MAGI3: variants seen among roughly 807,000 people sequenced by gnomAD.
MAGI3 encodes membrane-associated guanylate kinase, WW and PDZ domain-containing protein 3.
A neutral mutation model predicts 121.8 loss-of-function variants in MAGI3; 43 were observed. The observed-to-expected ratio is 0.35, with a 90% CI of 0.28 to 0.46. MAGI3 has a LOEUF of 0.46. Among genes scored for constraint, MAGI3 ranks in the 20% least tolerant of loss-of-function variants. MAGI3 has a pLI of 1.00. For synonymous variants in MAGI3, 553 were observed against 639.3 expected (o/e 0.86, Z 2.04); for missense variants, 1,547 against 1,797.3 (o/e 0.86, Z 2.52).
Position 113,672,635 on chromosome 1 carries a change from T to C in MAGI3, c.2939T>C (p.Ile980Thr). Residue 980 changes from isoleucine (I) to threonine (T), a missense_variant, in exon 18 of 21, where the codon ATT (isoleucine) becomes ACT (threonine). Coordinates refer to ENST00000307546, the MANE Select transcript of MAGI3 (RefSeq NM_001142782.2). Reference protein sequence around the residue: ...PGDRSALEGEIGKDVSTSYRH... With the variant: ...PGDRSALEGETGKDVSTSYRH... ...TGTAGAAGTGCCCTAGAAGGTGAAA[T>C]TGGAAAAGATGTCTCCACTTCTTAC... 10 of 1,613,634 alleles carry C rather than the reference T, an allele frequency of 6.2e-6. No individual in the cohort carries two copies. The highest frequency in any genetic ancestry group is 7.6e-6 in the Non-Finnish European group (9 of 1,179,818).
intron 1 of MAGI3, among the ~76,000 whole-genome samples, chr1:113,416,394 A>G (rs1371093262): frequency 2.0e-5 from 2 of 99,642 alleles, no homozygotes; most frequent in African/African-American, 3.6e-5. Flanking sequence ...ATATATATTA[A>G]TTATTAATTA....
At chr1:113,515,925 T>C (rs1242990158) in intron 1 of MAGI3, among the ~76,000 whole-genome samples, 1 of 152,072 alleles carries the variant, frequency 6.6e-6, no homozygotes, top group Non-Finnish European at 1.5e-5. Flanking sequence ...CCTGGCACTG[T>C]TAACATTTTG....
In MAGI3 at chr1:113,683,580, A is replaced by G. The variant is rs780618427; in HGVS notation, c.4012A>G (p.Arg1338Gly). The change falls in exon 21 of 21, where the codon AGG (arginine) becomes GGG (glycine). Residue 1338 changes from arginine to glycine, a missense_variant. By Grantham distance (125) the Arg-to-Gly change is moderately radical. Transcript: ENST00000307546. ...PDGKEKSDVI[R>G]KDAKQNQLEK... ...TGGGAAGGAAAAATCAGACGTCATCAGGAAAGATGCAAAGCAGAATCAGTT... is the reference window on the plus strand; with the variant it reads ...TGGGAAGGAAAAATCAGACGTCATCGGGAAAGATGCAAAGCAGAATCAGTT... 1 of 1,613,992 alleles carries G rather than the reference A, an allele frequency of 6.2e-7. No homozygotes were observed. Among genetic ancestry groups the G allele is most frequent in the Non-Finnish European group, 8.5e-7 (1 of 1,179,896 alleles).
chr1:113,454,261 G>A (rs1364603506), intron 1 of MAGI3, among the ~76,000 whole-genome samples: 2 of 152,054 alleles, frequency 1.3e-5, no homozygotes, highest in African/African-American at 4.8e-5. Context: ...TTCCTTTAGG[G>A]GTAGCTTAGC....
At chr1:113,624,908 A>T (rs1651123478) in intron 9 of MAGI3, among the ~76,000 whole-genome samples, 1 of 152,160 alleles carries the variant, frequency 6.6e-6, no homozygotes. Context: ...GATAGAAGTC[A>T]AGTTTCATTC....
At chr1:113,627,528 T>C (rs532293983) in intron 9 of MAGI3, among the ~76,000 whole-genome samples, 1 of 150,496 alleles carries the variant, frequency 6.6e-6, no homozygotes, top group South Asian at 2.1e-4. Context: ...TGTTGAAGTC[T>C]CCTGCTATTA....
chr1:113,525,868 G>C (rs987170316), intron 1 of MAGI3, among the ~76,000 whole-genome samples: 2 of 152,030 alleles, frequency 1.3e-5, no homozygotes, highest in Non-Finnish European at 2.9e-5. Context: ...TGGATGTGGT[G>C]GCGCATGCCT....
At chr1:113,619,985 T>A (rs978005015) in intron 8 of MAGI3, among the ~76,000 whole-genome samples, 155 bp downstream of exon 8, 2 of 152,158 alleles carry the variant, frequency 1.3e-5, no homozygotes, top group Non-Finnish European at 2.9e-5. Context: ...TAATAAAACA[T>A]CTGAACATTA....
chr1:113,655,130 A>T (rs932162156), intron 15 of MAGI3, among the ~76,000 whole-genome samples: 6 of 152,202 alleles, frequency 3.9e-5, no homozygotes, highest in Non-Finnish European at 8.8e-5. Context: ...TGTGAGGATG[A>T]TAATATGGCG....
rs1441314024 is a variant in MAGI3 at position 113,658,437 on chromosome 1, T to C, written c.2630-643T>C. ...GTCAAGTAGTCTTAACAGTTAACAT[T>C]TAATGTTCCAATTCCACTCAGCTTT... is the stretch of plus-strand genomic sequence containing the variant. On this transcript the variant is annotated intron_variant, in intron 15 of 20. Coordinates refer to ENST00000307546, the MANE Select transcript of MAGI3 (RefSeq NM_001142782.2). The surrounding 1 kb of genome is among the most constrained non-coding windows in gnomAD (Gnocchi z 4.0). Among the ~76,000 whole-genome samples the C allele has an allele frequency of 6.6e-6, 1 of 152,238 alleles. No individual in the cohort carries two copies. Among genetic ancestry groups the C allele is most frequent in the African/African-American group, 2.4e-5 (1 of 41,462 alleles).
chr1:113,630,642 G>A (rs954147275), intron 9 of MAGI3, among the ~76,000 whole-genome samples: 5 of 152,174 alleles, frequency 3.3e-5, no homozygotes, highest in African/African-American at 1.2e-4. Context: ...TGGTTATTCA[G>A]GGCCCAGGGG....
At chr1:113,643,822 G>A (rs1309096789) in intron 11 of MAGI3, 48 bp downstream of exon 11, 2 of 1,550,454 alleles carry the variant, frequency 1.3e-6, no homozygotes, top group South Asian at 2.2e-5. Context: ...CACTGAGAGA[G>A]ATGCCACATT....
intron 1 of MAGI3, among the ~76,000 whole-genome samples, chr1:113,539,464 T>G (rs1659169003): frequency 6.6e-6 from 1 of 151,982 alleles, no homozygotes; most frequent in South Asian, 2.1e-4. Context: ...AATTACATCC[T>G]TTGATAATAC....
intron 1 of MAGI3, among the ~76,000 whole-genome samples, chr1:113,398,299 G>C (rs1365856887): frequency 6.6e-6 from 1 of 152,102 alleles, no homozygotes; most frequent in East Asian, 1.9e-4. Flanking sequence ...GTTATGAAGG[G>C]TTAAACTTTT....
At chr1:113,610,754 G>A (rs1374550349) in intron 6 of MAGI3, among the ~76,000 whole-genome samples, 2 of 151,998 alleles carry the variant, frequency 1.3e-5, no homozygotes, top group African/African-American at 4.8e-5. Context: ...TGGCCAACAT[G>A]GTAAAACCCT....
At chr1:113,672,113 C>T (rs1187072024) in intron 17 of MAGI3, among the ~76,000 whole-genome samples, 1 of 152,246 alleles carries the variant, frequency 6.6e-6, no homozygotes, top group African/African-American at 2.4e-5. Flanking sequence ...GACATAGCAT[C>T]TGGCTCTGCT....
At chr1:113,636,121 C>T (rs1300914417) in intron 9 of MAGI3, among the ~76,000 whole-genome samples, 1 of 151,820 alleles carries the variant, frequency 6.6e-6, no homozygotes, top group Non-Finnish European at 1.5e-5. Context: ...TCTCTCTTTT[C>T]TTCTTTATTA....
chr1:113,600,305 T>G (rs1649286738), intron 6 of MAGI3, among the ~76,000 whole-genome samples: 1 of 152,236 alleles, frequency 6.6e-6, no homozygotes, highest in African/African-American at 2.4e-5. Flanking sequence ...GATGACATGA[T>G]AGTATATCTA....
At chr1:113,547,389 T>G (rs1659585680) in intron 1 of MAGI3, among the ~76,000 whole-genome samples, 1 of 152,168 alleles carries the variant, frequency 6.6e-6, no homozygotes, top group Non-Finnish European at 1.5e-5. Context: ...CCAAATTAAG[T>G]CTTTTTCTGA....
Sources: gnomAD v4.1 joint callset for allele counts (sites outside exome capture counted in the v4.1 genomes callset) on GRCh38, gnomAD v4.1.1 for gene constraint, Gnocchi (gnomAD v3.1) non-coding constraint, MANE v1.5 for transcripts, NCBI Gene and HGNC (gene_info 2026-07-23, HGNC 2026-07-21) for gene names.